Variants in MYBPC1 observed in about 807,000 individuals in gnomAD.
MYBPC1 encodes myosin binding protein C1, also known as myosin-binding protein C, slow-type.
A neutral mutation model predicts 147.1 loss-of-function variants in MYBPC1; 52 were observed. That is an observed-to-expected ratio of 0.35 (90% CI 0.28 to 0.45). The LOEUF is 0.45. MYBPC1 is among the 20% of genes least tolerant of loss of function. The pLI, the probability that MYBPC1 is intolerant of heterozygous loss-of-function variation, is 1.00. For synonymous variants in MYBPC1, 477 were observed against 475.9 expected, an observed-to-expected ratio of 1.00 and a Z score of -0.03; for missense variants, 1,228 against 1,440.3, an observed-to-expected ratio of 0.85 and a Z score of 2.39.
rs2135963597 is a variant in MYBPC1, at chr12:101,624,828, G to A, written c.104-2044G>A. ...ATGCTTTGGGAAGAGCAGAGCAGAG[G>A]TTCAGATAACAACAAATGCTCTTTA... On this transcript the variant is annotated intron_variant, in intron 3 of 31. Transcript: ENST00000361466. Among the ~76,000 whole-genome samples, 2 of 151,746 alleles carry A rather than the reference G, an allele frequency of 1.3e-5. 1 individual carries two copies. The highest frequency in any genetic ancestry group is 4.2e-4 in the South Asian group (2 of 4,792).
At position 101,614,229 on chromosome 12, in the gene MYBPC1, C is replaced by G. The variant is rs186730501; in HGVS notation, c.26-267C>G. 2.0e-3 allele frequency among the ~76,000 whole-genome samples: 302 copies of G among 152,298 alleles called. 1 individual carries two copies. Among genetic ancestry groups the G allele is most frequent in the Non-Finnish European group, 3.2e-3 (216 of 68,026 alleles). On this transcript the variant is annotated intron_variant, in intron 1 of 31. Coordinates refer to ENST00000361466, the MANE Select transcript of MYBPC1 (RefSeq NM_002465.4). ...CCATTCTACCTTTATCTTTCCATCA[C>G]TACACCATGCCACCTCCTGGAAATC... is the stretch of plus-strand genomic sequence containing the variant.
intron 23 of MYBPC1, among the ~76,000 whole-genome samples, chr12:101,668,930 T>C (rs1347982495): frequency 6.6e-6 from 1 of 151,946 alleles, no homozygotes; most frequent in Admixed American, 6.5e-5. Context: ...TTACTAAAAA[T>C]ACAAAAATTT....
Position 101,649,347 on chromosome 12 carries a change from G to A in MYBPC1, c.1284G>A (p.Glu428=), listed in dbSNP as rs1386275315. Residue 428 remains glutamate, a synonymous_variant, in exon 15 of 32, where the codon GAG becomes GAA. Transcript: ENST00000361466. ...VEGKKHILII[E]GATKADAAEY... ...GTAAAAAACACATCTTGATCATAGA[G>A]GGAGCAACAAAGGCTGATGCTGCAG... 2 of 1,613,836 alleles carry A rather than the reference G, an allele frequency of 1.2e-6. No individual in the cohort carries two copies. The highest frequency in any genetic ancestry group is 1.7e-6 in the Non-Finnish European group (2 of 1,179,874).
chr12:101,673,627 G>T lies in MYBPC1; in HGVS notation c.2809+5G>T. ...CAATTGACATCCAGATCATTGGTAG[G>T]TTTAGATGAAGGAGCCAGAAAGTTC... On this transcript the variant is annotated splice_donor_5th_base_variant and intron_variant, in intron 25 of 31. Transcript: ENST00000361466. 1.2e-6 allele frequency: 2 copies of T among 1,614,160 alleles called. No individual in the cohort carries two copies. Among genetic ancestry groups the T allele is most frequent in the Non-Finnish European group, 1.7e-6 (2 of 1,180,018 alleles).
chr12:101,688,192 G>T (rs1951377559), downstream of MYBPC1, among the ~76,000 whole-genome samples: 1 of 152,156 alleles, frequency 6.6e-6, no homozygotes, highest in African/African-American at 2.4e-5. Flanking sequence ...GGCCGAGGCG[G>T]GCAGATCACT....
Position 101,626,926 on chromosome 12 carries a change from AC to A in MYBPC1, c.142+19del. 1 of 1,600,896 alleles carries A rather than the reference AC, an allele frequency of 6.2e-7. No homozygotes were observed. ...TTGCCTCCAGGTTGGGATAATTTCT[AC>A]CCTTTTCCCTGCTTTTAAATATATT... On this transcript the variant is annotated intron_variant, in intron 4 of 31. Coordinates refer to ENST00000361466, the MANE Select transcript of MYBPC1 (RefSeq NM_002465.4).
At chr12:101,646,681 T>G (rs937521031) in intron 12 of MYBPC1, 82 bp from the exon 13 acceptor site, 89 of 1,526,664 alleles carry the variant, frequency 5.8e-5, no homozygotes, top group Admixed American at 3.7e-4. Flanking sequence ...ACTACCAAAT[T>G]ATAAGCCAAA....
intron 14 of MYBPC1, among the ~76,000 whole-genome samples, chr12:101,648,506 CAT>C (rs1368199905): frequency 1.3e-5 from 2 of 152,312 alleles, no homozygotes; most frequent in African/African-American, 4.8e-5. Flanking sequence ...CATGAAAAAA[CAT>C]ATTTAGTGTT....
intron 1 of MYBPC1, among the ~76,000 whole-genome samples, chr12:101,597,602 A>G (rs1877856714): frequency 6.6e-6 from 1 of 152,210 alleles, no homozygotes; most frequent in African/African-American, 2.4e-5. Flanking sequence ...GAGGAAGTCT[A>G]ATGGAAGTAA....
chr12:101,619,879 C>T (rs888908646), intron 3 of MYBPC1, among the ~76,000 whole-genome samples: 1 of 152,188 alleles, frequency 6.6e-6, no homozygotes, highest in African/African-American at 2.4e-5. Flanking sequence ...CATTCTGCAA[C>T]AGCTCAGAAA....
In MYBPC1 at chr12:101,646,898, A is replaced by G. The variant is rs1893269936; in HGVS notation, c.1090+11A>G. 6.2e-7 allele frequency: 1 copy of G among 1,614,036 alleles called. No homozygotes were observed. On this transcript the variant is annotated intron_variant, in intron 13 of 31. Coordinates refer to ENST00000361466, the MANE Select transcript of MYBPC1 (RefSeq NM_002465.4). ...AGCTCTTCGTAAGAGGTAAAAATGA[A>G]ATCTCTTATTGTGGTCACCAGGAGC...
In MYBPC1 at chr12:101,646,870, C is replaced by A. The variant is rs1346705231; in HGVS notation, c.1073C>A (p.Thr358Asn). The change falls in exon 13 of 32, where the codon ACT becomes AAT. Residue 358 changes from threonine (T) to asparagine (N), a missense_variant. By Grantham distance (65) the Thr-to-Asn change is moderately conservative. This residue lies in a region of MYBPC1 where 1,077 missense variants were observed against 1,314.2 expected (regional missense o/e 0.82). Coordinates refer to ENST00000361466, the MANE Select transcript of MYBPC1 (RefSeq NM_002465.4). ...ACAGCCGGTGATGAGAAATGTTCCA[C>A]TGAGCTCTTCGTAAGAGGTAAAAAT... is the stretch of plus-strand genomic sequence containing the variant. ...YVTAGDEKCS[T>N]ELFVREPPIM... 1 of 1,614,160 alleles carries A rather than the reference C, an allele frequency of 6.2e-7. No individual in the cohort carries two copies. The highest frequency in any genetic ancestry group is 1.7e-5 in the Admixed American group (1 of 60,022).
chr12:101,607,178 A>T (rs1882553474), intron 1 of MYBPC1, among the ~76,000 whole-genome samples: 2 of 152,172 alleles, frequency 1.3e-5, no homozygotes, highest in Non-Finnish European at 2.9e-5. Flanking sequence ...GAATGTCCCC[A>T]TGAAAGCAAT....
At chr12:101,600,435 C>A (rs1179589336) in intron 1 of MYBPC1, 1 of 152,002 alleles carries the variant, frequency 6.6e-6, no homozygotes, top group South Asian at 2.1e-4. Flanking sequence ...TTAAAAAATG[C>A]TTGGACACAA....
At chr12:101,646,712 G>T in intron 12 of MYBPC1, 51 bp from the exon 13 acceptor site, 3 of 1,601,328 alleles carry the variant, frequency 1.9e-6, no homozygotes, top group Non-Finnish European at 2.6e-6. Context: ...ATAAAGAAAA[G>T]AATAAAATCA....
At chr12:101,627,828 A>T in intron 5 of MYBPC1, 24 bp downstream of exon 5, 2 of 1,607,430 alleles carry the variant, frequency 1.2e-6, no homozygotes, top group South Asian at 2.2e-5. Context: ...CAGAGAAGGC[A>T]TCCTGACCTC....
downstream of MYBPC1, among the ~76,000 whole-genome samples, chr12:101,688,973 A>G (rs865860819): frequency 8.0e-4 from 94 of 117,650 alleles, 1 homozygote; most frequent in South Asian, 3.6e-3. Flanking sequence ...AAAAAAGAAA[A>G]AGAAAAAAAA....
intron 26 of MYBPC1, 92 bp from the exon 27 acceptor site, chr12:101,677,143 A>G: frequency 7.7e-7 from 1 of 1,293,480 alleles, no homozygotes; most frequent in Non-Finnish European, 1.1e-6. Context: ...TTTTGTTAAT[A>G]AAGCATCCTT....
At chr12:101,678,752 C>T (rs566756859) in intron 28 of MYBPC1, among the ~76,000 whole-genome samples, 2 of 152,296 alleles carry the variant, frequency 1.3e-5, no homozygotes, top group African/African-American at 2.4e-5. Flanking sequence ...AAAAGAACAA[C>T]GAATTAATGA....
Sources: gnomAD v4.1 joint callset for allele counts (sites outside exome capture counted in the v4.1 genomes callset) on GRCh38, gnomAD v4.1.1 for gene constraint, gnomAD v4.1.1 regional missense constraint, MANE v1.5 for transcripts, NCBI Gene and HGNC (gene_info 2026-07-23, HGNC 2026-07-21) for gene names.